The following TRAF3 variants were observed in gnomAD, a reference collection of about 807,000 sequenced individuals.
TRAF3 encodes the protein TNF receptor-associated factor 3.
TRAF3 carries 13 observed loss-of-function variants against 62.3 expected under a neutral mutation model. The observed-to-expected ratio is 0.21, with a 90% CI of 0.14 to 0.33. The LOEUF (loss-of-function observed/expected upper bound fraction) is 0.33. Ranked by LOEUF, TRAF3 falls within the 10% of genes least tolerant of loss-of-function variation. The probability of loss-of-function intolerance (pLI) is 1.00; values close to 1 mark genes in which losing one functional copy is unlikely to be tolerated. For synonymous variants in TRAF3, 269 were observed against 283.4 expected (o/e 0.95, Z 0.51); for missense variants, 440 against 741.8 (o/e 0.59, Z 4.73).
intron 10 of TRAF3, among the ~76,000 whole-genome samples, chr14:102,898,932 G>A (rs540284770): frequency 5.9e-5 from 9 of 152,362 alleles, no homozygotes; most frequent in Non-Finnish European, 7.3e-5. Context: ...GACGGCAGCG[G>A]TCAGTGTCCC....
chr14:102,890,741 G>C (rs189506445), intron 8 of TRAF3, among the ~76,000 whole-genome samples: 128 of 152,240 alleles, frequency 8.4e-4, no homozygotes, highest in Admixed American at 1.3e-3. Flanking sequence ...TACATCTTAT[G>C]TACTCTGTAG....
chr14:102,831,005 T>G (rs1180627311), intron 2 of TRAF3, among the ~76,000 whole-genome samples: 2 of 152,232 alleles, frequency 1.3e-5, no homozygotes, highest in Non-Finnish European at 1.5e-5. Flanking sequence ...CATTGAACCC[T>G]GGTTTTTAAT....
chr14:102,819,614 A>G (rs935091331), intron 1 of TRAF3, among the ~76,000 whole-genome samples: 3 of 152,200 alleles, frequency 2.0e-5, no homozygotes, highest in Non-Finnish European at 4.4e-5. Context: ...ATCTCTGGCC[A>G]GTGCCTGCCC....
In TRAF3 at chr14:102,906,336, G is replaced by GTA. The variant is rs996265921; in HGVS notation, c.*557_*558dup. 3 of 152,938 alleles carry GTA rather than the reference G, an allele frequency of 2.0e-5. No homozygotes were observed. Among genetic ancestry groups the GTA allele is most frequent in the Non-Finnish European group, 4.4e-5 (3 of 68,288 alleles). 9.5% of individuals were successfully genotyped at this position (152,938 alleles called of 1,614,324 possible). Reference sequence around the variant, plus strand: ...AATTTGTTTGTCAGAAGACCCTGAAGTATATACCTAGGTCTTTTTTTTGAA... The same window carrying GTA: ...AATTTGTTTGTCAGAAGACCCTGAAGTATATATACCTAGGTCTTTTTTTTGAA... On this transcript the variant is annotated 3_prime_UTR_variant, in exon 12 of 12. Transcript: ENST00000392745.
chr14:102,853,915 C>T (rs1270581522), intron 2 of TRAF3, among the ~76,000 whole-genome samples: 1 of 151,810 alleles, frequency 6.6e-6, no homozygotes, highest in Non-Finnish European at 1.5e-5. Context: ...CAAAAAGAAA[C>T]CCCATACCAC....
At chr14:102,788,177 C>T (rs939816234) in intron 1 of TRAF3, among the ~76,000 whole-genome samples, 4 of 151,982 alleles carry the variant, frequency 2.6e-5, no homozygotes, top group Non-Finnish European at 4.4e-5. Context: ...ATTTCTATTA[C>T]CTTAACCTGT....
chr14:102,845,251 G>T (rs911769594), intron 2 of TRAF3, among the ~76,000 whole-genome samples: 2 of 151,078 alleles, frequency 1.3e-5, no homozygotes, highest in Admixed American at 1.3e-4. Context: ...TGCCCAGGCT[G>T]GAGTACAGTG....
At chr14:102,870,904 G>A (rs1888304095) in intron 3 of TRAF3, among the ~76,000 whole-genome samples, 1 of 152,226 alleles carries the variant, frequency 6.6e-6, no homozygotes, top group East Asian at 1.9e-4. Flanking sequence ...CTCAGCAGGC[G>A]TGTGTGGAAC....
At chr14:102,887,887 G>A (rs763284393) in intron 7 of TRAF3, among the ~76,000 whole-genome samples, 3 of 152,218 alleles carry the variant, frequency 2.0e-5, no homozygotes, top group Admixed American at 6.5e-5. Flanking sequence ...GAGCCACCGC[G>A]CCCGGCCAAT....
intron 1 of TRAF3, among the ~76,000 whole-genome samples, chr14:102,789,609 T>TGTG (rs1383771075): frequency 6.6e-6 from 1 of 151,880 alleles, no homozygotes; most frequent in Non-Finnish European, 1.5e-5. Context: ...TGTGTGTGTG[T>TGTG]GTGTGTGTGT....
At chr14:102,876,746 G>A in intron 6 of TRAF3, 3 of 579,056 alleles carry the variant, frequency 5.2e-6, no homozygotes, top group South Asian at 3.8e-5. Context: ...TCAACTCATA[G>A]ATAATCCGTT....
chr14:102,871,800 C>T, intron 3 of TRAF3, 117 bp from the exon 4 acceptor site: 2 of 894,302 alleles, frequency 2.2e-6, no homozygotes, highest in South Asian at 1.3e-5. Flanking sequence ...TGAAGCTCTG[C>T]TGGTTGCTGT....
At chr14:102,870,626 G>GT (rs1290824696) in intron 3 of TRAF3, among the ~76,000 whole-genome samples, 180 bp downstream of exon 3, 2 of 152,184 alleles carry the variant, frequency 1.3e-5, no homozygotes, top group Non-Finnish European at 2.9e-5. Context: ...CCACGTGTGG[G>GT]TTTACTGAGG....
intron 10 of TRAF3, among the ~76,000 whole-genome samples, chr14:102,901,126 TGCAC>T (rs1890275147): frequency 1.3e-5 from 2 of 152,308 alleles, no homozygotes; most frequent in Non-Finnish European, 1.5e-5. Context: ...GTGCATGCGG[TGCAC>T]GCATGTTGTG....
At position 102,877,319 on chromosome 14, in the gene TRAF3, A is replaced by G. The variant is rs148794216; in HGVS notation, c.570+794A>G. Among the ~76,000 whole-genome samples the G allele has an allele frequency of 3.0e-3, 425 of 141,702 alleles. 4 individuals carry two copies. In the Middle Eastern group the frequency reaches 0.032, roughly 11 times the overall value. The allele number at this position is 141,702 out of a possible 152,430, so 93.0% of individuals were successfully genotyped here. ...CACAGGCCTTCCGCTCAGCTCATAG[A>G]TAATCTGTTCCACAGGCCTTCTGCT... On this transcript the variant is annotated intron_variant, in intron 6 of 11. Transcript: ENST00000392745.
At chr14:102,882,405 G>A (rs781436962) in intron 6 of TRAF3, among the ~76,000 whole-genome samples, 8 of 152,140 alleles carry the variant, frequency 5.3e-5, no homozygotes, top group Admixed American at 3.3e-4. Flanking sequence ...CAGCAAGCAC[G>A]CGTGTTTGGG....
chr14:102,895,169 G>T (rs1472423223), intron 9 of TRAF3: 1 of 454,540 alleles, frequency 2.2e-6, no homozygotes, highest in East Asian at 6.9e-5. Flanking sequence ...ACCACGCGAT[G>T]CTGCATATGG....
At chr14:102,902,863 T>G (rs1020021996) in intron 10 of TRAF3, among the ~76,000 whole-genome samples, 6 of 152,096 alleles carry the variant, frequency 3.9e-5, no homozygotes, top group Non-Finnish European at 7.4e-5. Context: ...CAGGGAAGCC[T>G]GCTGTGGGCA....
chr14:102,902,280 G>A (rs553757834), intron 10 of TRAF3, among the ~76,000 whole-genome samples: 7 of 152,344 alleles, frequency 4.6e-5, no homozygotes, highest in East Asian at 3.9e-4. Flanking sequence ...AGACCCCTGC[G>A]TCTGCAGCAT....
Sources: gnomAD v4.1 joint callset for allele counts (sites outside exome capture counted in the v4.1 genomes callset) on GRCh38, gnomAD v4.1.1 for gene constraint, MANE v1.5 for transcripts, NCBI Gene and HGNC (gene_info 2026-07-23, HGNC 2026-07-21) for gene names.